Variants in ST6GALNAC3 observed in about 807,000 individuals in gnomAD.
The protein encoded by ST6GALNAC3 is alpha-N-acetylgalactosaminide alpha-2,6-sialyltransferase 3.
Under a neutral mutation model 32.7 loss-of-function variants are expected in ST6GALNAC3, and 25 were observed. The observed-to-expected ratio is 0.76, with a 90% CI of 0.56 to 1.07. The LOEUF (loss-of-function observed/expected upper bound fraction) is 1.07, where lower values mean the gene tolerates loss of function less well. Ranked by LOEUF, ST6GALNAC3 falls within the 50% of genes least tolerant of loss-of-function variation. ST6GALNAC3 has a pLI of 0.00. For missense variants in ST6GALNAC3, 355 were observed against 382.4 expected (o/e 0.93, Z 0.60); for synonymous variants, 129 against 133.1 (o/e 0.97, Z 0.21).
chr1:76,343,332 C>A (rs922945090), intron 2 of ST6GALNAC3, among the ~76,000 whole-genome samples: 1 of 152,074 alleles, frequency 6.6e-6, no homozygotes. Context: ...GCAACTCTTT[C>A]AGTAACAGAA....
chr1:76,161,935 A>T (rs867216403), intron 1 of ST6GALNAC3, among the ~76,000 whole-genome samples: 59 of 152,282 alleles, frequency 3.9e-4, no homozygotes, highest in Non-Finnish European at 6.2e-4. Flanking sequence ...AAAACCCTTA[A>T]CTGAAGATCA....
intron 3 of ST6GALNAC3, among the ~76,000 whole-genome samples, chr1:76,413,774 T>C (rs1358615109): frequency 6.6e-6 from 1 of 152,034 alleles, no homozygotes; most frequent in Non-Finnish European, 1.5e-5. Flanking sequence ...GCAGTAGAGA[T>C]GAAAGGGATA....
intron 1 of ST6GALNAC3, among the ~76,000 whole-genome samples, chr1:76,162,317 A>G (rs1310999189): frequency 1.3e-5 from 2 of 152,218 alleles, no homozygotes; most frequent in Admixed American, 1.3e-4. Context: ...TTGCATGCGC[A>G]TTCTCCGTTG....
At chr1:76,430,762 A>G (rs866857834) in intron 3 of ST6GALNAC3, among the ~76,000 whole-genome samples, 4 of 152,040 alleles carry the variant, frequency 2.6e-5, no homozygotes, top group African/African-American at 9.7e-5. Flanking sequence ...CTGTTTTTTC[A>G]TCTCTCTGTG....
chr1:76,391,265 G>A (rs1652523545), intron 2 of ST6GALNAC3, among the ~76,000 whole-genome samples: 1 of 152,080 alleles, frequency 6.6e-6, no homozygotes, highest in Non-Finnish European at 1.5e-5. Flanking sequence ...TCTTTTAAGT[G>A]ATCAATATAG....
chr1:76,222,363 C>G (rs1267112677), intron 1 of ST6GALNAC3, among the ~76,000 whole-genome samples: 3 of 151,950 alleles, frequency 2.0e-5, no homozygotes, highest in Non-Finnish European at 2.9e-5. Flanking sequence ...GATGAAGATG[C>G]CAAAAACAAT....
chr1:76,540,673 A>G (rs183312578), intron 3 of ST6GALNAC3, among the ~76,000 whole-genome samples: 5 of 152,304 alleles, frequency 3.3e-5, no homozygotes, highest in Admixed American at 2.0e-4. Flanking sequence ...ATTGTGATAA[A>G]ATAAGCATTT....
intron 1 of ST6GALNAC3, among the ~76,000 whole-genome samples, chr1:76,253,134 C>G (rs917175345): frequency 6.6e-6 from 1 of 151,918 alleles, no homozygotes; most frequent in Non-Finnish European, 1.5e-5. Context: ...CATATATACA[C>G]TAAAAGAATG....
chr1:76,305,759 G>A (rs1026293256), intron 1 of ST6GALNAC3, among the ~76,000 whole-genome samples: 1 of 152,010 alleles, frequency 6.6e-6, no homozygotes, highest in African/African-American at 2.4e-5. Context: ...TCTTAACAGA[G>A]GATGAAGTTT....
chr1:76,432,536 C>T (rs1015067800), intron 3 of ST6GALNAC3, among the ~76,000 whole-genome samples: 1 of 138,218 alleles, frequency 7.2e-6, no homozygotes, highest in African/African-American at 2.7e-5. Flanking sequence ...CTCGCTGAAG[C>T]CTTGACCTCC....
At position 76,437,060 on chromosome 1, in the gene ST6GALNAC3, A is replaced by C. The variant is rs139423862; in HGVS notation, c.623+24643A>C. 2.7e-3 allele frequency among the ~76,000 whole-genome samples: 411 copies of C among 152,234 alleles called. 1 individual carries two copies. The highest frequency in any genetic ancestry group is 9.5e-3 in the African/African-American group (395 of 41,572). ...CTGACCTACTTGTTTAAGGGTTTTT[A>C]AAACTCCTGTGTTGACAATAGTAAG... On this transcript the variant is annotated intron_variant, in intron 3 of 4. Transcript: ENST00000328299.
intron 1 of ST6GALNAC3, among the ~76,000 whole-genome samples, chr1:76,189,527 A>G (rs1190108669): frequency 5.9e-5 from 9 of 152,180 alleles, no homozygotes; most frequent in Non-Finnish European, 1.2e-4. Flanking sequence ...TGAATGTGGC[A>G]ATCTGAGACA....
At chr1:76,367,406 G>T (rs1426626701) in intron 2 of ST6GALNAC3, among the ~76,000 whole-genome samples, 3 of 152,100 alleles carry the variant, frequency 2.0e-5, no homozygotes, top group Non-Finnish European at 4.4e-5. Flanking sequence ...GGAACAGGAA[G>T]TAGTGATCTA....
At position 76,630,161 on chromosome 1, in the gene ST6GALNAC3, CTAA is replaced by C. The variant is rs1175237915; in HGVS notation, c.*1358_*1360del. On this transcript the variant is annotated 3_prime_UTR_variant, in exon 5 of 5. Transcript: ENST00000328299. Reference sequence around the variant, plus strand: ...GTTATATTCCAGATTGCTCTACTTGCTAATATTTGTATAGAATAGAATTTATGT... The same window carrying C: ...GTTATATTCCAGATTGCTCTACTTGCTATTTGTATAGAATAGAATTTATGT... 1 of 984,978 alleles carries C rather than the reference CTAA, an allele frequency of 1.0e-6. No homozygotes were observed. Among genetic ancestry groups the C allele is most frequent in the East Asian group, 1.1e-4 (1 of 8,808 alleles). The allele number at this position is 984,978 out of a possible 1,614,324, so 61.0% of individuals were successfully genotyped here.
chr1:76,405,609 TTGTG>T (rs34437349), intron 2 of ST6GALNAC3, among the ~76,000 whole-genome samples: 2,098 of 149,798 alleles, frequency 0.014, 41 homozygotes, highest in African/African-American at 0.049. Context: ...GTGTGTGTAT[TTGTG>T]TGTGTGTGTG....
chr1:76,217,772 GT>G (rs1655551932), intron 1 of ST6GALNAC3, among the ~76,000 whole-genome samples: 2 of 152,150 alleles, frequency 1.3e-5, no homozygotes, highest in African/African-American at 4.8e-5. Flanking sequence ...ACGATGTTTG[GT>G]TTTCCATTCC....
intron 1 of ST6GALNAC3, among the ~76,000 whole-genome samples, chr1:76,157,288 C>G (rs537044124): frequency 6.6e-6 from 1 of 152,308 alleles, no homozygotes; most frequent in East Asian, 1.9e-4. Context: ...AGCTCTAAGC[C>G]ATTATCACGT....
At chr1:76,266,937 AG>A (rs1658563910) in intron 1 of ST6GALNAC3, among the ~76,000 whole-genome samples, 1 of 152,202 alleles carries the variant, frequency 6.6e-6, no homozygotes, top group Non-Finnish European at 1.5e-5. Context: ...ATCCAGTAAA[AG>A]GATATGCGGA....
intron 3 of ST6GALNAC3, among the ~76,000 whole-genome samples, chr1:76,623,546 C>G (rs1465912488): frequency 6.6e-6 from 1 of 151,872 alleles, no homozygotes; most frequent in Non-Finnish European, 1.5e-5. Context: ...TGATGGCCAG[C>G]TGATACATAG....
Sources: gnomAD v4.1 joint callset for allele counts (sites outside exome capture counted in the v4.1 genomes callset) on GRCh38, gnomAD v4.1.1 for gene constraint, MANE v1.5 for transcripts, NCBI Gene and HGNC (gene_info 2026-07-23, HGNC 2026-07-21) for gene names.